EGFL7: variants seen among roughly 807,000 people sequenced by gnomAD.
EGFL7 encodes the protein epidermal growth factor-like protein 7.
In EGFL7, 48 loss-of-function variants were observed where a neutral mutation model predicts 37.1. That is an observed-to-expected ratio of 1.29 (90% CI 1.03 to 1.65). The LOEUF (loss-of-function observed/expected upper bound fraction) is 1.65, where lower values mean the gene tolerates loss of function less well. Ranked by LOEUF, EGFL7 falls within the 40% of genes most tolerant of loss-of-function variation. The pLI, the probability that EGFL7 is intolerant of heterozygous loss-of-function variation, is 0.00. For missense variants in EGFL7, 384 were observed against 378.9 expected (o/e 1.01, Z -0.11); for synonymous variants, 180 against 156.8 (o/e 1.15, Z -1.10).
chr9:136,665,386 T>G (rs1845393576), intron 3 of EGFL7, among the ~76,000 whole-genome samples: 1 of 152,160 alleles, frequency 6.6e-6, no homozygotes, highest in Non-Finnish European at 1.5e-5. Flanking sequence ...CCCCAGCGGC[T>G]GAGATGGGCG....
upstream of EGFL7, among the ~76,000 whole-genome samples, chr9:136,660,099 C>T (rs549790403): frequency 1.3e-5 from 2 of 152,146 alleles, no homozygotes; most frequent in African/African-American, 4.8e-5. Context: ...CTCCAAGGAC[C>T]GGAGGGTGAG....
chr9:136,660,122 C>T (rs919343237), upstream of EGFL7, among the ~76,000 whole-genome samples: 2 of 152,180 alleles, frequency 1.3e-5, no homozygotes, highest in Non-Finnish European at 1.5e-5. Flanking sequence ...AGGGGCCCGC[C>T]TGCCCCTTGC....
chr9:136,668,188 C>T (rs1002128307), intron 3 of EGFL7, 53 bp from the exon 4 acceptor site: 70 of 1,108,924 alleles, frequency 6.3e-5, no homozygotes, highest in African/African-American at 3.8e-4. Context: ...AAACTGCACC[C>T]GCGTCCTGGG....
At position 136,666,201 on chromosome 9, in the gene EGFL7, G is replaced by A. The variant is rs1564274266; in HGVS notation, c.-43+1416G>A. On this transcript the variant is annotated intron_variant, in intron 3 of 10. Coordinates refer to ENST00000308874, the MANE Select transcript of EGFL7 (RefSeq NM_016215.5). The surrounding 1 kb of genome is among the most constrained non-coding windows in gnomAD (Gnocchi z 6.8). ...CCGCGAACCCCGGAGCCAGCAGCGCGGCTGGGAGGGGGCGGCGGGCAGGTC... is the reference window on the plus strand; with the variant it reads ...CCGCGAACCCCGGAGCCAGCAGCGCAGCTGGGAGGGGGCGGCGGGCAGGTC... 6.6e-6 allele frequency among the ~76,000 whole-genome samples: 1 copy of A among 150,950 alleles called. No homozygotes were observed. Among genetic ancestry groups the A allele is most frequent in the Non-Finnish European group, 1.5e-5 (1 of 67,498 alleles).
At chr9:136,668,486 G>A (rs938189924) in intron 4 of EGFL7, 71 bp from the exon 5 acceptor site, 45 of 1,555,314 alleles carry the variant, frequency 2.9e-5, no homozygotes, top group Middle Eastern at 1.7e-4. Flanking sequence ...GTCCTGCCCC[G>A]GCCACATGTT....
chr9:136,670,147 C>T (rs762612209), intron 7 of EGFL7, 22 bp from the exon 8 acceptor site: 1 of 1,612,612 alleles, frequency 6.2e-7, no homozygotes, highest in South Asian at 1.1e-5. Context: ...GGCATGGCCG[C>T]CTGACACCCC....
At chr9:136,671,548 G>A (rs763481883) in intron 9 of EGFL7, among the ~76,000 whole-genome samples, 65 of 150,982 alleles carry the variant, frequency 4.3e-4, no homozygotes, top group Non-Finnish European at 7.1e-4. Context: ...CCCCAGGGCC[G>A]GAGGAACCAA....
Position 136,669,673 on chromosome 9 carries a change from T to C in EGFL7, c.265T>C (p.Cys89Arg). The C allele has an allele frequency of 6.2e-7, 1 of 1,608,940 alleles. No individual in the cohort carries two copies. The highest frequency in any genetic ancestry group is 8.5e-7 in the Non-Finnish European group (1 of 1,178,632). The change falls in exon 6 of 11, where the codon TGC (cysteine) becomes CGC (arginine). Residue 89 changes from cysteine to arginine, a missense_variant. Transcript: ENST00000308874. ...LAPARPRYACCPGWKRTSGLP... is the reference protein window; with the variant it reads ...LAPARPRYACRPGWKRTSGLP... ...CCCTGCCAGGCCTCGCTACGCGTGCTGCCCCGGCTGGAAGAGGACCAGCGG... is the reference window on the plus strand; with the variant it reads ...CCCTGCCAGGCCTCGCTACGCGTGCCGCCCCGGCTGGAAGAGGACCAGCGG...
At chr9:136,659,186 C>A (rs2119051539), upstream of EGFL7, 1 of 152,354 alleles carries the variant, frequency 6.6e-6, no homozygotes, top group East Asian at 1.9e-4. Flanking sequence ...TGGGGACCCT[C>A]ACTTCTCCCT....
intron 3 of EGFL7, among the ~76,000 whole-genome samples, chr9:136,667,919 C>T (rs1000338088): frequency 1.3e-5 from 2 of 152,214 alleles, no homozygotes; most frequent in African/African-American, 2.4e-5. Context: ...GGAGAAACGG[C>T]CACCCGTAGC....
At chr9:136,669,780 A>G (rs1191224089) in intron 6 of EGFL7, 59 bp downstream of exon 6, 2 of 1,469,634 alleles carry the variant, frequency 1.4e-6, no homozygotes, top group East Asian at 4.9e-5. Flanking sequence ...CCAATCTTCC[A>G]GCAACGCTCC....
At position 136,666,415 on chromosome 9, in the gene EGFL7, C is replaced by T. The variant is rs1264698962; in HGVS notation, c.-43+1630C>T. On this transcript the variant is annotated intron_variant, in intron 3 of 10. Coordinates refer to ENST00000308874, the MANE Select transcript of EGFL7 (RefSeq NM_016215.5). The surrounding 1 kb of genome is among the most constrained non-coding windows in gnomAD (Gnocchi z 6.8). Reference sequence around the variant, plus strand: ...AGGGAGCCCGTGGGCGCTGGGGGCACGGGGACCGGACTGCTGGTCCACCTG... The same window carrying T: ...AGGGAGCCCGTGGGCGCTGGGGGCATGGGGACCGGACTGCTGGTCCACCTG... Among the ~76,000 whole-genome samples, 3 of 151,608 alleles carry T rather than the reference C, an allele frequency of 2.0e-5. No homozygotes were observed. The highest frequency in any genetic ancestry group is 1.5e-5 in the Non-Finnish European group (1 of 67,894).
At position 136,666,886 on chromosome 9, in the gene EGFL7, C is replaced by A. The variant is rs1011910754; in HGVS notation, c.-42-1355C>A. Among the ~76,000 whole-genome samples the A allele has an allele frequency of 6.6e-6, 1 of 152,178 alleles. No individual in the cohort carries two copies. The highest frequency in any genetic ancestry group is 2.4e-5 in the African/African-American group (1 of 41,448). On this transcript the variant is annotated intron_variant, in intron 3 of 10. Transcript: ENST00000308874. The surrounding 1 kb of genome is among the most constrained non-coding windows in gnomAD (Gnocchi z 6.8). ...CAGCCAGCTCTGCCCCCTCGACAAA[C>A]TCCTGCCCAAAAACTGCTGTGATGC...
chr9:136,668,643 G>T lies in EGFL7; in HGVS notation c.167G>T (p.Cys56Phe). The change falls in exon 5 of 11, where the codon TGC (cysteine) becomes TTC (phenylalanine). Residue 56 changes from cysteine (C) to phenylalanine (F), a missense_variant. By Grantham distance (205) the Cys-to-Phe change is radical (BLOSUM62 -2). Coordinates refer to ENST00000308874, the MANE Select transcript of EGFL7 (RefSeq NM_016215.5). ...QRVYQPFLTTCDGHRACSTYR... is the reference protein window; with the variant it reads ...QRVYQPFLTTFDGHRACSTYR... ...GTGTACCAGCCCTTCCTCACCACCT[G>T]CGACGGGCACCGGGCCTGCAGCACC... The T allele has an allele frequency of 6.2e-7, 1 of 1,605,052 alleles. No individual in the cohort carries two copies.
rs2119108921 is a variant in EGFL7, at chr9:136,666,564, A to G, written c.-42-1677A>G. Among the ~76,000 whole-genome samples, 1 of 151,786 alleles carries G rather than the reference A, an allele frequency of 6.6e-6. No individual in the cohort carries two copies. The highest frequency in any genetic ancestry group is 2.1e-4 in the South Asian group (1 of 4,800). The stretch of plus-strand genomic sequence containing the variant: ...CTTCCTCTGGCCTCGGGAAAACATG[A>G]CTTTCAAAAATTGAGTCTCCACTTA... On this transcript the variant is annotated intron_variant, in intron 3 of 10. Coordinates refer to ENST00000308874, the MANE Select transcript of EGFL7 (RefSeq NM_016215.5). This position sits in a 1 kb window ranked among gnomAD's most constrained non-coding sequence, Gnocchi z 6.8.
At chr9:136,668,457 C>G in intron 4 of EGFL7, 95 bp downstream of exon 4, 1 of 1,517,600 alleles carries the variant, frequency 6.6e-7, no homozygotes, top group Non-Finnish European at 9.0e-7. Flanking sequence ...CGGGGACTCC[C>G]TGGGGGCTCC....
Position 136,671,999 on chromosome 9 carries a change from G to A in EGFL7, c.710G>A (p.Gly237Asp), listed in dbSNP as rs542067089. 3 of 1,543,268 alleles carry A rather than the reference G, an allele frequency of 1.9e-6. No individual in the cohort carries two copies. Among genetic ancestry groups the A allele is most frequent in the African/African-American group, 1.4e-5 (1 of 73,042 alleles). The change falls in exon 10 of 11, where the codon GGC becomes GAC. Residue 237 changes from glycine to aspartate, a missense_variant. Gly to Asp is a moderately conservative substitution (Grantham distance 94). Transcript: ENST00000308874. The part of the protein sequence containing the change: ...QALEHGLPDP[G>D]SLLVHSFQQL... ...CTGGAGCATGGGCTCCCGGACCCCG[G>A]CAGCCTCCTGGTGCACTCCTTCCAG... is the stretch of plus-strand genomic sequence containing the variant.
chr9:136,671,986 C>T lies in EGFL7; in HGVS notation c.697C>T (p.Leu233Phe), dbSNP rs1270327383. Residue 233 changes from leucine to phenylalanine, a missense_variant, in exon 10 of 11, where the codon CTC (leucine) becomes TTC (phenylalanine). Transcript: ENST00000308874. ...GGCCTCGCAGGCACTGGAGCATGGG[C>T]TCCCGGACCCCGGCAGCCTCCTGGT... ...SLASQALEHG[L>F]PDPGSLLVHS... The T allele has an allele frequency of 3.9e-6, 6 of 1,542,390 alleles. No homozygotes were observed. The highest frequency in any genetic ancestry group is 2.4e-5 in the South Asian group (2 of 83,924).
At position 136,669,696 on chromosome 9, in the gene EGFL7, C is replaced by CT; in HGVS notation, c.288_289insT (p.Gly97TrpfsTer36). ...GCTGCCCCGGCTGGAAGAGGACCAGCGGGCTTCCTGGGGCCTGTGGAGCAG... is the reference window on the plus strand; with the variant it reads ...GCTGCCCCGGCTGGAAGAGGACCAGCTGGGCTTCCTGGGGCCTGTGGAGCAG... On this transcript the variant is annotated frameshift_variant, in exon 6 of 11. Transcript: ENST00000308874. LOFTEE classifies it high-confidence loss of function. 6.2e-7 allele frequency: 1 copy of CT among 1,602,180 alleles called. No homozygotes were observed. The highest frequency in any genetic ancestry group is 8.5e-7 in the Non-Finnish European group (1 of 1,175,436).
Sources: allele counts gnomAD v4.1 joint callset (sites outside exome capture counted in the v4.1 genomes callset), GRCh38; gene constraint gnomAD v4.1.1; non-coding constraint Gnocchi (gnomAD v3.1); transcripts MANE v1.5; gene names NCBI Gene and HGNC (gene_info 2026-07-23, HGNC 2026-07-21).